PRDM16: variants seen among roughly 807,000 people sequenced by gnomAD.
PRDM16 encodes PR/SET domain 16.
A neutral mutation model predicts 110.6 loss-of-function variants in PRDM16; 23 were observed. That is an observed-to-expected ratio of 0.21 (90% CI 0.15 to 0.29). The LOEUF is 0.29. Ranked by LOEUF, PRDM16 falls within the 10% of genes least tolerant of loss-of-function variation. PRDM16 has a pLI of 1.00. For synonymous variants in PRDM16, 799 were observed against 781.8 expected, an observed-to-expected ratio of 1.02 and a Z score of -0.37; for missense variants, 1,615 against 1,794.3, an observed-to-expected ratio of 0.90 and a Z score of 1.81.
intron 3 of PRDM16, among the ~76,000 whole-genome samples, chr1:3,366,920 C>G (rs1018691239): frequency 6.6e-6 from 1 of 152,146 alleles, no homozygotes; most frequent in East Asian, 1.9e-4. Context: ...GGGGGCTGCA[C>G]GTGCGTGTTT....
At chr1:3,385,015 A>T in intron 3 of PRDM16, 137 bp from the exon 4 acceptor site, 1 of 1,035,758 alleles carries the variant, frequency 9.7e-7, no homozygotes, top group Non-Finnish European at 1.4e-6. Flanking sequence ...TGATGCCCGG[A>T]GGGTGGGCTG....
intron 14 of PRDM16, among the ~76,000 whole-genome samples, chr1:3,428,863 GC>G (rs1638690569): frequency 6.6e-6 from 1 of 152,248 alleles, no homozygotes; most frequent in Non-Finnish European, 1.5e-5. Context: ...GGTAGAGTGG[GC>G]CCCAATCCAG....
chr1:3,361,123 C>T (rs930235279), intron 3 of PRDM16, among the ~76,000 whole-genome samples: 1 of 152,188 alleles, frequency 6.6e-6, no homozygotes, highest in Non-Finnish European at 1.5e-5. Flanking sequence ...GCATTCCTCG[C>T]CTCACATTTC....
At chr1:3,251,709 G>A (rs1360485157) in intron 3 of PRDM16, among the ~76,000 whole-genome samples, 1 of 152,190 alleles carries the variant, frequency 6.6e-6, no homozygotes, top group African/African-American at 2.4e-5. Context: ...ACCTCTCGCA[G>A]GCGCCTAGTT....
chr1:3,169,292 C>A (rs1643997340), intron 1 of PRDM16, among the ~76,000 whole-genome samples: 1 of 152,146 alleles, frequency 6.6e-6, no homozygotes, highest in Admixed American at 6.5e-5. Context: ...CCATCCGGCC[C>A]CCACCACCCT....
chr1:3,196,078 G>A (rs905413667), intron 2 of PRDM16, among the ~76,000 whole-genome samples: 10 of 152,348 alleles, frequency 6.6e-5, no homozygotes, highest in African/African-American at 2.4e-4. Flanking sequence ...AGAGGCAGGT[G>A]TGGGTCCCGC....
At chr1:3,144,035 A>G (rs1267094259) in intron 1 of PRDM16, among the ~76,000 whole-genome samples, 1 of 152,024 alleles carries the variant, frequency 6.6e-6, no homozygotes, top group Non-Finnish European at 1.5e-5. Flanking sequence ...CTCGCCGCCC[A>G]CTTCATTTCT....
intron 1 of PRDM16, among the ~76,000 whole-genome samples, chr1:3,172,477 G>A (rs1371567603): frequency 2.6e-5 from 4 of 152,258 alleles, no homozygotes; most frequent in South Asian, 2.1e-4. Context: ...AGATTCAGAC[G>A]GCACACGCAT....
At chr1:3,151,255 C>T (rs1039654829) in intron 1 of PRDM16, among the ~76,000 whole-genome samples, 4 of 152,186 alleles carry the variant, frequency 2.6e-5, no homozygotes, top group Admixed American at 6.5e-5. Flanking sequence ...AGAGAAGGCT[C>T]GACCAAGGTC....
chr1:3,217,902 C>T (rs1419802609), intron 2 of PRDM16, among the ~76,000 whole-genome samples: 1 of 152,224 alleles, frequency 6.6e-6, no homozygotes, highest in Admixed American at 6.5e-5. Flanking sequence ...GGGGTGCCCC[C>T]TTGGACTGCT....
Position 3,069,909 on chromosome 1 carries a change from G to A in PRDM16, c.37+613G>A, listed in dbSNP as rs890020452. Among the ~76,000 whole-genome samples, 2 of 151,944 alleles carry A rather than the reference G, an allele frequency of 1.3e-5. No individual in the cohort carries two copies. Among genetic ancestry groups the A allele is most frequent in the African/African-American group, 2.4e-5 (1 of 41,410 alleles). On this transcript the variant is annotated intron_variant, in intron 1 of 16. Transcript: ENST00000270722. The surrounding 1 kb of genome is among the most constrained non-coding windows in gnomAD (Gnocchi z 6.1). ...CGGGCGCAGGGGCAGGGGTGGCGAC[G>A]GCGGGACAGCCGCAGCCACTTGGGG...
At chr1:3,294,954 C>T (rs1244264669) in intron 3 of PRDM16, among the ~76,000 whole-genome samples, 2 of 152,222 alleles carry the variant, frequency 1.3e-5, no homozygotes, top group Non-Finnish European at 2.9e-5. Flanking sequence ...CAGGCCCCGT[C>T]TCAGGGACAT....
rs763948789 is a variant in PRDM16, at chr1:3,243,664, G to A, written c.388-423G>A. Among the ~76,000 whole-genome samples the A allele has an allele frequency of 1.8e-4, 28 of 152,238 alleles. No individual in the cohort carries two copies. The highest frequency in any genetic ancestry group is 3.9e-4 in the Admixed American group (6 of 15,286). The stretch of plus-strand genomic sequence containing the variant: ...CTAAATACACGTGGTGTGATTCGCC[G>A]GCGGAACTTGGAGGAAACACAAATA... On this transcript the variant is annotated intron_variant, in intron 2 of 16. Transcript: ENST00000270722. This position sits in a 1 kb window ranked among gnomAD's most constrained non-coding sequence, Gnocchi z 5.5.
chr1:3,425,729 C>T lies in PRDM16; in HGVS notation c.3088C>T (p.His1030Tyr), dbSNP rs749000028. ...CAACCTGGACCGGCACCTCAAGAAG[C>T]ACGAGCACGAGAACGCACCAGGTGG... Reference protein sequence around the residue: ...QTNLDRHLKKHEHENAPVSQH... With the variant: ...QTNLDRHLKKYEHENAPVSQH... Residue 1030 changes from histidine to tyrosine, a missense_variant, in exon 13 of 17, where the codon CAC (histidine) becomes TAC (tyrosine). Transcript: ENST00000270722. This position sits in a 1 kb window ranked among gnomAD's most constrained non-coding sequence, Gnocchi z 6.9. 6.2e-7 allele frequency: 1 copy of T among 1,613,714 alleles called. No individual in the cohort carries two copies. Among genetic ancestry groups the T allele is most frequent in the Admixed American group, 1.7e-5 (1 of 60,014 alleles).
chr1:3,316,159 G>C (rs746901545), intron 3 of PRDM16, among the ~76,000 whole-genome samples: 1 of 151,612 alleles, frequency 6.6e-6, no homozygotes, highest in Non-Finnish European at 1.5e-5. Flanking sequence ...GGGGGCGGGA[G>C]GGACCTTTCA....
chr1:3,397,770 T>C (rs1643407820), intron 5 of PRDM16, among the ~76,000 whole-genome samples: 1 of 152,198 alleles, frequency 6.6e-6, no homozygotes, highest in Admixed American at 6.5e-5. Flanking sequence ...GCTGCAAGTT[T>C]CTCCAAGGAA....
Position 3,433,418 on chromosome 1 carries a change from C to T in PRDM16, c.3697-259C>T, listed in dbSNP as rs1458742901. ...ACGGACGAGGCTTGGCCCTGCTGGC[C>T]GGGGATGGCCTGTCCTGCCCACACA... On this transcript the variant is annotated intron_variant, in intron 16 of 16. Transcript: ENST00000270722. Among the ~76,000 whole-genome samples the T allele has an allele frequency of 6.6e-5, 10 of 152,356 alleles. No individual in the cohort carries two copies. The East Asian group carries it at 9.7e-4, about 15-fold the overall frequency.
intron 1 of PRDM16, among the ~76,000 whole-genome samples, chr1:3,134,218 C>T (rs1643390962): frequency 6.6e-6 from 1 of 152,182 alleles, no homozygotes; most frequent in African/African-American, 2.4e-5. Flanking sequence ...TACACAGAGG[C>T]TCCCACAGAG....
chr1:3,120,322 G>A (rs750884806), intron 1 of PRDM16, among the ~76,000 whole-genome samples: 2 of 152,158 alleles, frequency 1.3e-5, no homozygotes, highest in Non-Finnish European at 2.9e-5. Context: ...TTCCAGGGAC[G>A]TGTCTGGTAC....
Sources: gnomAD v4.1 joint callset for allele counts (sites outside exome capture counted in the v4.1 genomes callset) on GRCh38, gnomAD v4.1.1 for gene constraint, Gnocchi (gnomAD v3.1) non-coding constraint, MANE v1.5 for transcripts, NCBI Gene and HGNC (gene_info 2026-07-23, HGNC 2026-07-21) for gene names.